Variants in NCOR2 observed in about 807,000 individuals in gnomAD.
NCOR2 encodes the protein nuclear receptor corepressor 2.
In NCOR2, 81 loss-of-function variants were observed where a neutral mutation model predicts 262.9. The ratio of observed to expected loss-of-function variants is 0.31; its 90% CI spans 0.26 to 0.37. The LOEUF is 0.37. Among genes scored for constraint, NCOR2 ranks in the 10% least tolerant of loss-of-function variants. The pLI, the probability that NCOR2 is intolerant of heterozygous loss-of-function variation, is 1.00. For missense variants in NCOR2, 3,385 were observed against 3,621.4 expected, an observed-to-expected ratio of 0.93 and a Z score of 1.68; for synonymous variants, 1,659 against 1,559.3, an observed-to-expected ratio of 1.06 and a Z score of -1.51.
chr12:124,436,401 C>T (rs1471392422), intron 8 of NCOR2, among the ~76,000 whole-genome samples: 1 of 152,170 alleles, frequency 6.6e-6, no homozygotes, highest in Non-Finnish European at 1.5e-5. Flanking sequence ...CTCCAGCCTC[C>T]AGCAAACCTA....
rs558519572 is a variant in NCOR2, at chr12:124,325,734, G to A, written c.7364-151C>T. The A allele has an allele frequency of 2.3e-5, 11 of 482,532 alleles. No homozygotes were observed. In the Middle Eastern group the frequency reaches 1.7e-3, roughly 76 times the overall value. The allele number at this position is 482,532 out of a possible 1,614,324, so 29.9% of individuals were successfully genotyped here. A position where few individuals can be genotyped will look rare whatever the true frequency, so the allele number is the denominator to read the frequency against. ...CTAATTGCGAACAGGTCTCAGAACC[G>A]TCTGCCTCTCTTCACCTGTTCTACT... On this transcript the variant is annotated intron_variant, in intron 46 of 46. Transcript: ENST00000405201.
At chr12:124,345,444 G>C (rs2036839684) in intron 31 of NCOR2, among the ~76,000 whole-genome samples, 1 of 152,176 alleles carries the variant, frequency 6.6e-6, no homozygotes, top group South Asian at 2.1e-4. Flanking sequence ...CAGACAGAAA[G>C]GATGGTGAGG....
intron 44 of NCOR2, among the ~76,000 whole-genome samples, chr12:124,329,895 G>A (rs1036097537): frequency 1.3e-5 from 2 of 152,150 alleles, no homozygotes; most frequent in African/African-American, 2.4e-5. Flanking sequence ...CCCTCTTGTT[G>A]TTTCGACCAA....
chr12:124,327,643 A>T lies in NCOR2; in HGVS notation c.6959-10T>A. The T allele has an allele frequency of 6.3e-7, 1 of 1,587,972 alleles. No homozygotes were observed. The highest frequency in any genetic ancestry group is 8.5e-7 in the Non-Finnish European group (1 of 1,170,002). On this transcript the variant is annotated splice_polypyrimidine_tract_variant and intron_variant, in intron 44 of 46. Coordinates refer to ENST00000405201, the Ensembl canonical transcript of NCOR2. ...CTATAGGTCATAAGGCCTGGGAGAG[A>T]GAGACAGACAGACAGACAGACACAT... is the stretch of plus-strand genomic sequence containing the variant.
chr12:124,433,130 C>T (rs909070512), intron 8 of NCOR2, among the ~76,000 whole-genome samples: 1 of 152,212 alleles, frequency 6.6e-6, no homozygotes, highest in Non-Finnish European at 1.5e-5. Flanking sequence ...ACGGTCCCCA[C>T]GAGGTGGCCA....
rs371059273 is a variant in NCOR2, at chr12:124,418,330, C to T, written c.1482+1627G>A. Among the ~76,000 whole-genome samples, 33 of 152,312 alleles carry T rather than the reference C, an allele frequency of 2.2e-4. No homozygotes were observed. The East Asian group carries it at 6.2e-3, about 29-fold the overall frequency. On this transcript the variant is annotated intron_variant, in intron 13 of 46. Transcript: ENST00000405201. Reference sequence around the variant, plus strand: ...GGCGAGGGGTGGCTCATGCTCCTGACAACAGCCTCGTTTCCCTCATGGGAG... The same window carrying T: ...GGCGAGGGGTGGCTCATGCTCCTGATAACAGCCTCGTTTCCCTCATGGGAG...
At chr12:124,333,245 C>T in exon 42 of NCOR2, 1 of 1,611,982 alleles carries the variant, frequency 6.2e-7, no homozygotes, top group Non-Finnish European at 8.5e-7. Context: ...TCCTCACCAC[C>T]ACCCAAGACC....
chr12:124,504,502 A>AC lies in NCOR2; in HGVS notation c.-117-9135dup, dbSNP rs2048940165. Among the ~76,000 whole-genome samples the AC allele has an allele frequency of 6.6e-6, 1 of 152,112 alleles. No individual in the cohort carries two copies. The highest frequency in any genetic ancestry group is 1.5e-5 in the Non-Finnish European group (1 of 68,016). On this transcript the variant is annotated intron_variant, in intron 1 of 46. Coordinates refer to the NCOR2 transcript ENST00000404621. This position sits in a 1 kb window ranked among gnomAD's most constrained non-coding sequence, Gnocchi z 4.5. The stretch of plus-strand genomic sequence containing the variant: ...CAGTCACTAGGTTAAACCCAGAATT[A>AC]CCCCATGACCCAGCGATGCCACTCC...
chr12:124,515,576 TGCATGTGC>T (rs2049692146), intron 1 of NCOR2, among the ~76,000 whole-genome samples: 1 of 152,162 alleles, frequency 6.6e-6, no homozygotes, highest in Non-Finnish European at 1.5e-5. Flanking sequence ...AGTGTGTGTG[TGCATGTGC>T]GCATGTATCT....
chr12:124,355,330 GC>G, intron 24 of NCOR2, 101 bp downstream of exon 26: 1 of 1,418,490 alleles, frequency 7.0e-7, no homozygotes. Context: ...GATGACCCAG[GC>G]CCCCGAGAGC....
intron 13 of NCOR2, among the ~76,000 whole-genome samples, chr12:124,417,280 TCCACGAAGAGCAAGCCGGACACTCAC>T (rs2042959362): frequency 6.6e-6 from 1 of 152,076 alleles, no homozygotes; most frequent in Non-Finnish European, 1.5e-5. Flanking sequence ...GGACACTCAC[TCCACGAAGAGCAAGCCGGACACTCAC>T]TCTACTGGAC....
At chr12:124,564,617 C>T (rs988187054) in intron 1 of NCOR2, among the ~76,000 whole-genome samples, 11 of 147,680 alleles carry the variant, frequency 7.4e-5, no homozygotes, top group African/African-American at 2.8e-4. Flanking sequence ...GAGAGCCTGT[C>T]TCCTCTGCCT....
chr12:124,402,270 G>T, intron 14 of NCOR2, 134 bp downstream of exon 16: 13 of 1,502,360 alleles, frequency 8.7e-6, no homozygotes, highest in Non-Finnish European at 1.1e-5. Context: ...GGGCAAACGA[G>T]CAGAAAGCCC....
At chr12:124,409,027 G>A (rs972045711) in intron 13 of NCOR2, among the ~76,000 whole-genome samples, 4 of 152,204 alleles carry the variant, frequency 2.6e-5, no homozygotes, top group Non-Finnish European at 5.9e-5. Flanking sequence ...TGCTACAAAC[G>A]CAGCTTCCCC....
chr12:124,414,634 G>A (rs2042762591), intron 13 of NCOR2, among the ~76,000 whole-genome samples: 1 of 152,226 alleles, frequency 6.6e-6, no homozygotes, highest in Non-Finnish European at 1.5e-5. Context: ...CTGCCCTCCA[G>A]GTAAACATCA....
intron 27 of NCOR2, among the ~76,000 whole-genome samples, chr12:124,350,966 G>T (rs969392458): frequency 6.6e-6 from 1 of 152,212 alleles, no homozygotes; most frequent in Non-Finnish European, 1.5e-5. Flanking sequence ...GCTGTTCTGG[G>T]TGCTCTCTAT....
chr12:124,474,596 C>G (rs964034339), intron 3 of NCOR2, among the ~76,000 whole-genome samples: 3 of 152,184 alleles, frequency 2.0e-5, no homozygotes, highest in Non-Finnish European at 4.4e-5. Context: ...TCCCAGCCCC[C>G]TCTGCCACTC....
chr12:124,440,086 G>C lies in NCOR2; in HGVS notation c.816-2090C>G, dbSNP rs948421122. Among the ~76,000 whole-genome samples, 2 of 152,088 alleles carry C rather than the reference G, an allele frequency of 1.3e-5. No individual in the cohort carries two copies. The highest frequency in any genetic ancestry group is 4.8e-5 in the African/African-American group (2 of 41,410). On this transcript the variant is annotated intron_variant, in intron 7 of 46. Transcript: ENST00000405201. The surrounding 1 kb of genome is among the most constrained non-coding windows in gnomAD (Gnocchi z 5.7). ...CTCCCAGGGCCTGGGGGGCCACAGC[G>C]ACCTCAGGAGCCTGCTGTGCACCTT...
At chr12:124,337,242 C>G in intron 37 of NCOR2, 62 bp from the exon 40 acceptor site, 3 of 1,509,934 alleles carry the variant, frequency 2.0e-6, no homozygotes, top group African/African-American at 1.4e-5. Flanking sequence ...CCACCACCCT[C>G]GATGAGTCCC....
Sources: allele counts gnomAD v4.1 joint callset (sites outside exome capture counted in the v4.1 genomes callset), GRCh38; gene constraint gnomAD v4.1.1; non-coding constraint Gnocchi (gnomAD v3.1); transcripts MANE v1.5; gene names NCBI Gene and HGNC (gene_info 2026-07-23, HGNC 2026-07-21).